The following GPR135 variants were observed in gnomAD, a reference collection of about 807,000 sequenced individuals.
GPR135 encodes the protein G protein-coupled receptor 135, also known as G-protein coupled receptor 135.
Under a neutral mutation model 15.0 loss-of-function variants are expected in GPR135, and 17 were observed. That is an observed-to-expected ratio of 1.13 (90% confidence interval 0.78 to 1.70). The LOEUF (loss-of-function observed/expected upper bound fraction) is 1.70. Among genes scored for constraint, GPR135 ranks in the 40% most tolerant of loss-of-function variants. The pLI, the probability that GPR135 is intolerant of heterozygous loss-of-function variation, is 0.00. For synonymous variants in GPR135, 368 were observed against 349.4 expected (o/e 1.05, Z -0.59); for missense variants, 776 against 727.0 (o/e 1.07, Z -0.78).
Position 59,465,052 on chromosome 14 carries a change from T to C in GPR135, c.175A>G (p.Ser59Gly), listed in dbSNP as rs914281587. ...TAALGNLSDASGGGTAAAPGG... is the reference protein window; with the variant it reads ...TAALGNLSDAGGGGTAAAPGG... Reference sequence around the variant, plus strand: ...GGAGCGGCAGCTGTGCCGCCTCCGCTTGCGTCGCTCAGGTTCCCCAGCGCC... The same window carrying C: ...GGAGCGGCAGCTGTGCCGCCTCCGCCTGCGTCGCTCAGGTTCCCCAGCGCC... Residue 59 changes from serine (S) to glycine (G), a missense_variant, in exon 1 of 1, where the codon AGC becomes GGC. Transcript: ENST00000395116. 1 of 1,355,162 alleles carries C rather than the reference T, an allele frequency of 7.4e-7. No individual in the cohort carries two copies. Among genetic ancestry groups the C allele is most frequent in the Non-Finnish European group, 9.5e-7 (1 of 1,056,248 alleles). 83.9% of individuals were successfully genotyped at this position (1,355,162 alleles called of 1,614,324 possible).
chr14:59,463,747 G>A lies in GPR135; in HGVS notation c.1480C>T (p.Leu494Phe). 2 of 1,591,294 alleles carry A rather than the reference G, an allele frequency of 1.3e-6. No individual in the cohort carries two copies. The highest frequency in any genetic ancestry group is 1.7e-6 in the Non-Finnish European group (2 of 1,166,452). The change falls in exon 1 of 1, where the codon CTC becomes TTC. Residue 494 changes from leucine to phenylalanine, a missense_variant. By Grantham distance (22) the Leu-to-Phe change is conservative. Transcript: ENST00000395116. ...AGCTGGCCATTCCAACCGTCTTAGA[G>A]GCTGGTATCCCCAGCTTCGGATTTA... ...QPKSEAGDTS[L>F] is the part of the protein sequence containing the mutation.
intron 6 of GPR135, among the ~76,000 whole-genome samples, chr14:59,452,986 T>C (rs560803714): frequency 2.6e-5 from 4 of 152,300 alleles, no homozygotes; most frequent in African/African-American, 7.2e-5. Context: ...TGAAAAGGCT[T>C]CCTACGGTAT....
In GPR135 at chr14:59,464,631, G is replaced by C. The variant is rs146353313; in HGVS notation, c.596C>G (p.Thr199Arg). The change falls in exon 1 of 1, where the codon ACG (threonine) becomes AGG (arginine). Residue 199 changes from threonine to arginine, a missense_variant. Physicochemically the swap from Thr to Arg is moderately conservative, Grantham distance 71. Coordinates refer to ENST00000395116, the MANE Select transcript of GPR135 (RefSeq NM_022571.6). ...FFSSCFGIVS[T>R]LSVALISLDR... Reference sequence around the variant, plus strand: ...CAACGAGATGAGCGCCACGCTGAGCGTGGACACGATGCCGAAGCACGAGCT... The same window carrying C: ...CAACGAGATGAGCGCCACGCTGAGCCTGGACACGATGCCGAAGCACGAGCT... The C allele has an allele frequency of 7.5e-6, 12 of 1,597,552 alleles. No homozygotes were observed. In the Admixed American group the frequency reaches 8.4e-5, roughly 11 times the overall value.
chr14:59,452,961 C>T (rs760107463), intron 6 of GPR135, among the ~76,000 whole-genome samples: 5 of 151,966 alleles, frequency 3.3e-5, no homozygotes, highest in Non-Finnish European at 7.4e-5. Context: ...TATTACTAAG[C>T]GAAAAAAGCC....
chr14:59,454,859 A>T (rs1352524524), intron 6 of GPR135, among the ~76,000 whole-genome samples: 1 of 152,046 alleles, frequency 6.6e-6, no homozygotes, highest in Non-Finnish European at 1.5e-5. Context: ...CCCAGCACTT[A>T]GGGAGGCCGA....
At position 59,463,663 on chromosome 14, in the gene GPR135, A is replaced by C; in HGVS notation, c.*79T>G. The C allele has an allele frequency of 7.3e-7, 1 of 1,361,132 alleles. No individual in the cohort carries two copies. Among genetic ancestry groups the C allele is most frequent in the Admixed American group, 2.7e-5 (1 of 37,204 alleles). 84.3% of individuals were successfully genotyped at this position (1,361,132 alleles called of 1,614,324 possible). On this transcript the variant is annotated 3_prime_UTR_variant, in exon 1 of 1. Transcript: ENST00000395116. Reference sequence around the variant, plus strand: ...TTAAATGTTTGGCTTTATGAAATCCACAACTCTCCCCCAGAATCTTCCATC... The same window carrying C: ...TTAAATGTTTGGCTTTATGAAATCCCCAACTCTCCCCCAGAATCTTCCATC...
chr14:59,463,685 C>T lies in GPR135; in HGVS notation c.*57G>A. The stretch of plus-strand genomic sequence containing the variant: ...TCCACAACTCTCCCCCAGAATCTTC[C>T]ATCATTAAATAATGCGAGTGGAAAT... On this transcript the variant is annotated 3_prime_UTR_variant, in exon 1 of 1. Coordinates refer to ENST00000395116, the MANE Select transcript of GPR135 (RefSeq NM_022571.6). 1.4e-6 allele frequency: 2 copies of T among 1,460,272 alleles called. No homozygotes were observed. Among genetic ancestry groups the T allele is most frequent in the Non-Finnish European group, 1.8e-6 (2 of 1,085,382 alleles). 90.5% of individuals were successfully genotyped at this position (1,460,272 alleles called of 1,614,324 possible). A position where few individuals can be genotyped will look rare whatever the true frequency, so the allele number is the denominator to read the frequency against.
rs935976739 is a variant in GPR135, at chr14:59,463,478, T to G, written c.*264A>C. 2.5e-5 allele frequency: 12 copies of G among 487,918 alleles called. No individual in the cohort carries two copies. The highest frequency in any genetic ancestry group is 2.3e-4 in the African/African-American group (12 of 51,234). The allele number at this position is 487,918 out of a possible 1,614,324, so 30.2% of individuals were successfully genotyped here. A position where few individuals can be genotyped will look rare whatever the true frequency, so the allele number is the denominator to read the frequency against. Reference sequence around the variant, plus strand: ...TGAGCTTTTCAGTTATAGTGAATGTTATTTTTGTCATTTTTGGCACTTACA... The same window carrying G: ...TGAGCTTTTCAGTTATAGTGAATGTGATTTTTGTCATTTTTGGCACTTACA... On this transcript the variant is annotated 3_prime_UTR_variant, in exon 1 of 1. Coordinates refer to ENST00000395116, the MANE Select transcript of GPR135 (RefSeq NM_022571.6).
chr14:59,465,348 G>A lies in GPR135; in HGVS notation c.-122C>T. 1 of 705,686 alleles carries A rather than the reference G, an allele frequency of 1.4e-6. No homozygotes were observed. Among genetic ancestry groups the A allele is most frequent in the Non-Finnish European group, 1.9e-6 (1 of 513,326 alleles). 43.7% of individuals were successfully genotyped at this position (705,686 alleles called of 1,614,324 possible). ...GCGGGGAGCTGGGCTCGGCCGGAGG[G>A]GTGGCGGTCGCTGGGGACCTGGCGG... On this transcript the variant is annotated 5_prime_UTR_variant, in exon 1 of 1. Coordinates refer to ENST00000395116, the MANE Select transcript of GPR135 (RefSeq NM_022571.6).
rs1888980188 is a variant in GPR135 at position 59,464,030 on chromosome 14, C to T, written c.1197G>A (p.Gly399=). 6.2e-7 allele frequency: 1 copy of T among 1,613,862 alleles called. No individual in the cohort carries two copies. The highest frequency in any genetic ancestry group is 8.5e-7 in the Non-Finnish European group (1 of 1,180,018). The change falls in exon 1 of 1, where the codon GGG becomes GGA. Residue 399 remains glycine (G), a synonymous_variant. Coordinates refer to ENST00000395116, the MANE Select transcript of GPR135 (RefSeq NM_022571.6). ...IRNPNISMLL[G]RNREEGYRTR... is the part of the protein sequence containing the mutation. ...TCCGGTAGCCCTCCTCGCGGTTGCG[C>T]CCTAGGAGCATCGAAATGTTGGGAT...
At chr14:59,455,732 T>C (rs1264031835) in exon 6 of GPR135, 1 of 152,224 alleles carries the variant, frequency 6.6e-6, no homozygotes, top group Non-Finnish European at 1.5e-5. Context: ...CCTCACAACA[T>C]GGCAGTTGGG....
chr14:59,458,270 A>G (rs1367745865), downstream of GPR135, among the ~76,000 whole-genome samples: 3 of 152,154 alleles, frequency 2.0e-5, no homozygotes, highest in Non-Finnish European at 4.4e-5. Flanking sequence ...GTTTTTGACA[A>G]TGCTCTTGGG....
Position 59,465,011 on chromosome 14 carries a change from A to G in GPR135, c.216T>C (p.Leu72=). The G allele has an allele frequency of 1.5e-6, 2 of 1,339,330 alleles. No homozygotes were observed. Among genetic ancestry groups the G allele is most frequent in the South Asian group, 2.1e-5 (1 of 46,666 alleles). The allele number at this position is 1,339,330 out of a possible 1,614,324, so 83.0% of individuals were successfully genotyped here. The stretch of plus-strand genomic sequence containing the variant: ...CCTCCCGCGCTGCCCCGGACCCGCC[A>G]AGGCCGCCGCCACCGGGAGCGGCAG... ...GTAAAPGGGG[L]GGSGAAREAG... is the part of the protein sequence containing the mutation. The change falls in exon 1 of 1, where the codon CTT becomes CTC. Residue 72 remains leucine, a synonymous_variant. Coordinates refer to ENST00000395116, the MANE Select transcript of GPR135 (RefSeq NM_022571.6).
Position 59,464,497 on chromosome 14 carries a change from A to G in GPR135, c.730T>C (p.Trp244Arg), listed in dbSNP as rs746870013. Residue 244 changes from tryptophan to arginine, a missense_variant, in exon 1 of 1, where the codon TGG becomes CGG. Transcript: ENST00000395116. ...WLTALGFSLPWELLGAPRELA... is the reference protein window; with the variant it reads ...WLTALGFSLPRELLGAPRELA... ...TCCCGGGGCGCCCCGAGCAGCTCCC[A>G]GGGCAAGGAGAAGCCCAGGGCCGTC... is the stretch of plus-strand genomic sequence containing the variant. The G allele has an allele frequency of 1.9e-6, 3 of 1,541,584 alleles. No homozygotes were observed. The highest frequency in any genetic ancestry group is 2.6e-6 in the Non-Finnish European group (3 of 1,150,682).
Position 59,463,830 on chromosome 14 carries a change from A to G in GPR135, c.1397T>C (p.Val466Ala). 1.9e-6 allele frequency: 3 copies of G among 1,614,172 alleles called. No individual in the cohort carries two copies. Among genetic ancestry groups the G allele is most frequent in the Non-Finnish European group, 2.5e-6 (3 of 1,180,024 alleles). ...TGGTCCCTCTCGGCAGAAAAGTACA[A>G]CTGGATTTTTGCGGGCCCACATGGC... ...DVAMWARKNP[V>A]VLFCREGPPE... Residue 466 changes from valine (V) to alanine (A), a missense_variant, in exon 1 of 1, where the codon GTT becomes GCT. By Grantham distance (64) the Val-to-Ala change is moderately conservative (BLOSUM62 0). Coordinates refer to ENST00000395116, the MANE Select transcript of GPR135 (RefSeq NM_022571.6).
In GPR135 at chr14:59,464,314, G is replaced by A. The variant is rs1183831032; in HGVS notation, c.913C>T (p.Arg305Cys). 2.5e-6 allele frequency: 4 copies of A among 1,611,132 alleles called. No individual in the cohort carries two copies. The highest frequency in any genetic ancestry group is 2.7e-5 in the African/African-American group (2 of 74,918). Residue 305 changes from arginine (R) to cysteine (C), a missense_variant, in exon 1 of 1, where the codon CGC (arginine) becomes TGC (cysteine). By Grantham distance (180) the Arg-to-Cys change is radical (BLOSUM62 -3). Transcript: ENST00000395116. ...GGCCGCACGCGCACGTCCGACAGGC[G>A]CACCGTCTTGCAGATGTGGTAGTGG... is the stretch of plus-strand genomic sequence containing the variant. ...FCHYHICKTVRLSDVRVRPVN... is the reference protein window; with the variant it reads ...FCHYHICKTVCLSDVRVRPVN...
chr14:59,464,892 A>T lies in GPR135; in HGVS notation c.335T>A (p.Leu112His), dbSNP rs764273750. ...GCCAAGGCTAGACAGCAGGAAGATGAGCAGGAGGACGAGCGCCTGGGCCGC... is the reference window on the plus strand; with the variant it reads ...GCCAAGGCTAGACAGCAGGAAGATGTGCAGGAGGACGAGCGCCTGGGCCGC... ...AVAAQALVLL[L>H]IFLLSSLGNC... The change falls in exon 1 of 1, where the codon CTC becomes CAC. Residue 112 changes from leucine to histidine, a missense_variant. Leu to His is a moderately conservative substitution (Grantham distance 99, BLOSUM62 -3). Coordinates refer to ENST00000395116, the MANE Select transcript of GPR135 (RefSeq NM_022571.6). 2 of 1,605,872 alleles carry T rather than the reference A, an allele frequency of 1.2e-6. No individual in the cohort carries two copies. The highest frequency in any genetic ancestry group is 1.7e-6 in the Non-Finnish European group (2 of 1,177,060).
Position 59,465,209 on chromosome 14 carries a change from CG to C in GPR135, c.17del (p.Pro6ArgfsTer50), listed in dbSNP as rs1161915122. MEEPQ[P>X]PRPPASMALL... ...AGGCCATGCTCGCTGGTGGGCGGGGCGGCTGCGGCTCCTCCATGGGGCCCAG... is the reference window on the plus strand; with the variant it reads ...AGGCCATGCTCGCTGGTGGGCGGGGCGCTGCGGCTCCTCCATGGGGCCCAG... On this transcript the variant is annotated frameshift_variant, in exon 1 of 1. Coordinates refer to ENST00000395116, the MANE Select transcript of GPR135 (RefSeq NM_022571.6). LOFTEE classifies it high-confidence loss of function. 7 of 1,250,638 alleles carry C rather than the reference CG, an allele frequency of 5.6e-6. No homozygotes were observed. The highest frequency in any genetic ancestry group is 6.0e-6 in the Non-Finnish European group (6 of 999,352). 77.5% of individuals were successfully genotyped at this position (1,250,638 alleles called of 1,614,324 possible). A position where few individuals can be genotyped will look rare whatever the true frequency, so the allele number is the denominator to read the frequency against.
At chr14:59,455,321 A>G (rs1019905262) in intron 6 of GPR135, among the ~76,000 whole-genome samples, 2 of 152,180 alleles carry the variant, frequency 1.3e-5, no homozygotes, top group Non-Finnish European at 2.9e-5. Flanking sequence ...AAGACCTCAG[A>G]GTAGAAAACT....
Sources: allele counts gnomAD v4.1 joint callset (sites outside exome capture counted in the v4.1 genomes callset), GRCh38; gene constraint gnomAD v4.1.1; transcripts MANE v1.5; gene names NCBI Gene and HGNC (gene_info 2026-07-23, HGNC 2026-07-21).